The following INCENP variants were observed in gnomAD, a reference collection of about 807,000 sequenced individuals.
INCENP encodes binds and activates aurora-B and -C in vivo and in vitro.
In INCENP, 43 loss-of-function variants were observed where a neutral mutation model predicts 107.3. The observed-to-expected ratio is 0.40, with a 90% confidence interval of 0.31 to 0.52. The LOEUF is 0.52. Ranked by LOEUF, INCENP falls within the 20% of genes least tolerant of loss-of-function variation. INCENP has a pLI of 0.53. For synonymous variants in INCENP, 488 were observed against 494.4 expected (o/e 0.99, Z 0.17); for missense variants, 1,089 against 1,250.9 (o/e 0.87, Z 1.95).
chr11:62,141,733 C>G, intron 11 of INCENP: 1 of 639,912 alleles, frequency 1.6e-6, no homozygotes, highest in South Asian at 1.8e-5. Flanking sequence ...TGACTCTGCT[C>G]TTAGGAGGAA....
Position 62,137,742 on chromosome 11 carries a change from C to A in INCENP, c.1064-90C>A, listed in dbSNP as rs912023822. On this transcript the variant is annotated intron_variant, in intron 4 of 18. Coordinates refer to ENST00000394818, the MANE Select transcript of INCENP (RefSeq NM_001040694.2). ...GCTAGTGATGGGAGCAGTGGCCAGG[C>A]CCTTGCTGGAACCCGGTCCCCTGGA... is the stretch of plus-strand genomic sequence containing the variant. 6.1e-5 allele frequency: 69 copies of A among 1,127,522 alleles called. No homozygotes were observed. In the Middle Eastern group the frequency reaches 2.0e-3, roughly 32 times the overall value. The allele number at this position is 1,127,522 out of a possible 1,614,324, so 69.8% of individuals were successfully genotyped here. A position where few individuals can be genotyped will look rare whatever the true frequency, so the allele number is the denominator to read the frequency against.
intron 1 of INCENP, among the ~76,000 whole-genome samples, chr11:62,126,491 C>T (rs1030754890): frequency 6.6e-6 from 1 of 152,138 alleles, no homozygotes; most frequent in African/African-American, 2.4e-5. Context: ...CCACCGTGCC[C>T]GGCCAGTTCT....
In INCENP at chr11:62,129,682, T is replaced by G. The variant is rs1219392938; in HGVS notation, c.255-100T>G. The G allele has an allele frequency of 3.0e-6, 3 of 993,854 alleles. No individual in the cohort carries two copies. The Admixed American group carries it at 8.2e-5, about 27-fold the overall frequency. 61.6% of individuals were successfully genotyped at this position (993,854 alleles called of 1,614,324 possible). The stretch of plus-strand genomic sequence containing the variant: ...GGAACCCAGATCTTTTGCCTTCACC[T>G]TCTCTTATCATACTCTATCCAAGCT... On this transcript the variant is annotated intron_variant, in intron 3 of 18. Transcript: ENST00000394818.
In INCENP at chr11:62,130,556, T is replaced by G. The variant is rs748691518; in HGVS notation, c.1029T>G (p.Thr343=). 6.2e-7 allele frequency: 1 copy of G among 1,613,594 alleles called. No homozygotes were observed. The highest frequency in any genetic ancestry group is 8.5e-7 in the Non-Finnish European group (1 of 1,179,886). ...CGAGCAGAAGGCTTGCCAAGAAGAC[T>G]GCCGAAGAGCCAGCTGCCTCTGGCC... is the stretch of plus-strand genomic sequence containing the variant. ...RRASRRLAKK[T]AEEPAASGRI... is the part of the protein sequence containing the mutation. Residue 343 remains threonine (T), a synonymous_variant, in exon 4 of 19, where the codon ACT becomes ACG. Coordinates refer to ENST00000394818, the MANE Select transcript of INCENP (RefSeq NM_001040694.2).
In INCENP at chr11:62,148,569, G is replaced by A. The variant is rs1290141543; in HGVS notation, c.2283+15G>A. ...AGAAGAAGAAGGTGAGGGGAGCTGG[G>A]TTGCGGGCTCCCCTGGGGTCTGCCC... On this transcript the variant is annotated intron_variant, in intron 16 of 18. Transcript: ENST00000394818. 6.3e-7 allele frequency: 1 copy of A among 1,594,790 alleles called. No homozygotes were observed. Among genetic ancestry groups the A allele is most frequent in the Non-Finnish European group, 8.5e-7 (1 of 1,171,398 alleles).
Position 62,146,663 on chromosome 11 carries a change from G to A in INCENP, c.1965G>A (p.Glu655=). The A allele has an allele frequency of 6.4e-7, 1 of 1,551,008 alleles. No individual in the cohort carries two copies. Among genetic ancestry groups the A allele is most frequent in the African/African-American group, 1.4e-5 (1 of 73,162 alleles). ...ARRLRWLQQE[E]EERRHQELLQ... The stretch of plus-strand genomic sequence containing the variant: ...GACCTTGCTCTCTGTTTCAGGAGGA[G>A]GAAGAGCGGCGGCACCAAGAGCTGC... The change falls in exon 15 of 19, where the codon GAG becomes GAA. Residue 655 remains glutamate, a synonymous_variant. Transcript: ENST00000394818.
chr11:62,139,092 G>A (rs1944056553), intron 7 of INCENP, 87 bp downstream of exon 7: 5 of 917,516 alleles, frequency 5.4e-6, no homozygotes, highest in Admixed American at 3.6e-5. Context: ...TGGGGATAAG[G>A]AAGCCCCATT....
intron 4 of INCENP, among the ~76,000 whole-genome samples, chr11:62,137,267 C>A (rs568364310): frequency 3.9e-5 from 6 of 152,186 alleles, no homozygotes; most frequent in Non-Finnish European, 5.9e-5. Context: ...TGTTCCACTA[C>A]ACACCAGCCT....
chr11:62,130,192 A>G lies in INCENP; in HGVS notation c.665A>G (p.Lys222Arg). The change falls in exon 4 of 19, where the codon AAG becomes AGG. Residue 222 changes from lysine (K) to arginine (R), a missense_variant. Physicochemically the swap from Lys to Arg is conservative, Grantham distance 26. Transcript: ENST00000394818. Reference protein sequence around the residue: ...PTSDEESTPKKSKARILESIT... With the variant: ...PTSDEESTPKRSKARILESIT... ...TCAGATGAGGAATCAACACCTAAGA[A>G]GTCGAAGGCCAGGATACTGGAGTCC... 2 of 1,613,982 alleles carry G rather than the reference A, an allele frequency of 1.2e-6. No homozygotes were observed. The highest frequency in any genetic ancestry group is 3.3e-4 in the Middle Eastern group (2 of 6,062).
rs745848842 is a variant in INCENP at position 62,138,922 on chromosome 11, A to G, written c.1208A>G (p.His403Arg). 3.7e-6 allele frequency: 6 copies of G among 1,614,062 alleles called. No individual in the cohort carries two copies. The South Asian group carries it at 5.5e-5, about 15-fold the overall frequency. The change falls in exon 7 of 19, where the codon CAC becomes CGC. Residue 403 changes from histidine (H) to arginine (R), a missense_variant. His to Arg is a conservative substitution (Grantham distance 29). Transcript: ENST00000394818. ...PENNGNNSWPHNDTEIANSTP... is the reference protein window; with the variant it reads ...PENNGNNSWPRNDTEIANSTP... ...AACAATGGAAATAACTCGTGGCCCC[A>G]CAATGACACGGAGATTGCCAACAGC...
chr11:62,136,340 C>T (rs919119846), intron 4 of INCENP, among the ~76,000 whole-genome samples: 1 of 152,164 alleles, frequency 6.6e-6, no homozygotes. Flanking sequence ...CTTCCCACCT[C>T]AGCACACAGA....
chr11:62,125,582 G>A (rs1248936118), intron 1 of INCENP, among the ~76,000 whole-genome samples: 2 of 152,230 alleles, frequency 1.3e-5, no homozygotes, highest in African/African-American at 4.8e-5. Flanking sequence ...ATTTGGCCCT[G>A]CCCTGATTAT....
chr11:62,148,628 G>T, intron 16 of INCENP, 74 bp downstream of exon 16: 1 of 1,496,756 alleles, frequency 6.7e-7, no homozygotes, highest in South Asian at 1.2e-5. Context: ...CCTGCAGCAG[G>T]GGCTGCCTAG....
intron 4 of INCENP, among the ~76,000 whole-genome samples, chr11:62,133,122 C>T (rs1288653802): frequency 6.6e-6 from 1 of 152,078 alleles, no homozygotes; most frequent in East Asian, 1.9e-4. Flanking sequence ...CTTCCTGATA[C>T]CAGGCTCTGG....
Position 62,128,290 on chromosome 11 carries a change from C to T in INCENP, c.129C>T (p.Arg43=), listed in dbSNP as rs537977926. Residue 43 remains arginine, a synonymous_variant, in exon 2 of 19, where the codon CGC becomes CGT. Transcript: ENST00000394818. The stretch of plus-strand genomic sequence containing the variant: ...AGGAAATCCAAGAGGAGGCCGAGCG[C>T]ATGTTCACCAGGTGAAGACGGGCAC... The part of the protein sequence containing the change: ...WLEEIQEEAE[R]MFTREFSKEP... The T allele has an allele frequency of 7.4e-6, 12 of 1,614,070 alleles. No individual in the cohort carries two copies. In the South Asian group the frequency reaches 1.1e-4, roughly 15 times the overall value.
At chr11:62,141,109 GT>G in intron 10 of INCENP, 65 bp downstream of exon 10, 6 of 1,555,538 alleles carry the variant, frequency 3.9e-6, no homozygotes, top group Non-Finnish European at 5.2e-6. Context: ...GGTCCAGTCT[GT>G]CCTGTAAGAT....
Position 62,152,005 on chromosome 11 carries a change from C to A in INCENP, c.*29C>A, listed in dbSNP as rs1412627494. 5 of 1,513,708 alleles carry A rather than the reference C, an allele frequency of 3.3e-6. No individual in the cohort carries two copies. The highest frequency in any genetic ancestry group is 3.6e-6 in the Non-Finnish European group (4 of 1,101,528). 93.8% of individuals were successfully genotyped at this position (1,513,708 alleles called of 1,614,324 possible). ...TGGCCTGCGGCCTTCTTGGCAGCCT[C>A]GCCTCCTGTCCATGTCTATCTGTCT... On this transcript the variant is annotated 3_prime_UTR_variant, in exon 19 of 19. Coordinates refer to ENST00000394818, the MANE Select transcript of INCENP (RefSeq NM_001040694.2).
chr11:62,150,486 G>A (rs979099388), intron 18 of INCENP, among the ~76,000 whole-genome samples: 1 of 152,214 alleles, frequency 6.6e-6, no homozygotes, highest in Non-Finnish European at 1.5e-5. Context: ...ATATGCTGCT[G>A]GGTGTCCTGA....
chr11:62,138,972 A>G lies in INCENP; in HGVS notation c.1258A>G (p.Ser420Gly). Residue 420 changes from serine (S) to glycine (G), a missense_variant, in exon 7 of 19, where the codon AGC becomes GGC. Coordinates refer to ENST00000394818, the MANE Select transcript of INCENP (RefSeq NM_001040694.2). ...CACACCCAACCCGAAGCCTGCAGCC[A>G]GCAGCCCGGAAACACCCTCTGCAGG... Reference protein sequence around the residue: ...NSTPNPKPAASSPETPSAGQQ... With the variant: ...NSTPNPKPAAGSPETPSAGQQ... The G allele has an allele frequency of 2.5e-6, 4 of 1,614,076 alleles. No homozygotes were observed. The South Asian group carries it at 4.4e-5, about 18-fold the overall frequency.
Sources: allele counts gnomAD v4.1 joint callset (sites outside exome capture counted in the v4.1 genomes callset), GRCh38; gene constraint gnomAD v4.1.1; transcripts MANE v1.5; gene names NCBI Gene and HGNC (gene_info 2026-07-23, HGNC 2026-07-21).